CFAP70: variants seen among roughly 807,000 people sequenced by gnomAD.
CFAP70 encodes the protein cilia and flagella associated protein 70, also known as cilia- and flagella-associated protein 70.
In CFAP70, 81 loss-of-function variants were observed where a neutral mutation model predicts 137.6. The ratio of observed to expected loss-of-function variants is 0.59; its 90% CI spans 0.49 to 0.71. CFAP70 has a LOEUF of 0.71. Ranked by LOEUF, CFAP70 falls within the 30% of genes least tolerant of loss-of-function variation. The pLI is 0.00. For missense variants in CFAP70, 976 were observed against 1,226.7 expected, an observed-to-expected ratio of 0.80 and a Z score of 3.05; for synonymous variants, 382 against 423.6, an observed-to-expected ratio of 0.90 and a Z score of 1.20.
At chr10:73,353,603 G>A (rs1564894330) in exon 3 of CFAP70, 3 of 1,614,180 alleles carry the variant, frequency 1.9e-6, no homozygotes, top group Non-Finnish European at 2.5e-6. Flanking sequence ...TCCTCCTTCA[G>A]GATTAAACTC....
chr10:73,318,585 C>T (rs1254585221), intron 9 of CFAP70, among the ~76,000 whole-genome samples: 1 of 152,148 alleles, frequency 6.6e-6, no homozygotes, highest in Non-Finnish European at 1.5e-5. Context: ...TAAAACAATT[C>T]TAGGAAACAA....
intron 9 of CFAP70, among the ~76,000 whole-genome samples, chr10:73,316,255 T>C (rs1167149059): frequency 1.3e-5 from 2 of 151,866 alleles, no homozygotes; most frequent in Non-Finnish European, 2.9e-5. Context: ...TGAATCTTGA[T>C]TTTTTTGTAA....
At chr10:73,284,287 C>CTT (rs145312982) in intron 19 of CFAP70, among the ~76,000 whole-genome samples, 1 of 151,382 alleles carries the variant, frequency 6.6e-6, no homozygotes, top group South Asian at 2.1e-4. Context: ...ATCACATTGT[C>CTT]TTTTTTTTTG....
chr10:73,312,017 G>A (rs925799164), intron 10 of CFAP70, 103 bp from the exon 12 acceptor site: 6 of 867,996 alleles, frequency 6.9e-6, no homozygotes, highest in Non-Finnish European at 9.4e-6. Flanking sequence ...ACTAACTGCA[G>A]CCATAAAAAA....
chr10:73,284,735 G>C (rs1352664995), intron 19 of CFAP70, among the ~76,000 whole-genome samples: 2 of 61,758 alleles, frequency 3.2e-5, no homozygotes, highest in African/African-American at 1.4e-4. Flanking sequence ...TATATGACCT[G>C]CCACATATAT....
intron 12 of CFAP70, among the ~76,000 whole-genome samples, chr10:73,306,145 C>A (rs1452065353): frequency 6.6e-6 from 1 of 151,702 alleles, no homozygotes; most frequent in East Asian, 1.9e-4. Flanking sequence ...GTCTGAGGAA[C>A]AGAAAGAAAA....
chr10:73,352,075 G>T (rs1589606250), intron 3 of CFAP70, among the ~76,000 whole-genome samples: 1 of 152,346 alleles, frequency 6.6e-6, no homozygotes, highest in East Asian at 1.9e-4. Flanking sequence ...GGGTGATGGT[G>T]AAAGTTCTGA....
intron 8 of CFAP70, among the ~76,000 whole-genome samples, chr10:73,325,375 C>T (rs1397084810): frequency 5.3e-5 from 8 of 152,162 alleles, no homozygotes; most frequent in Non-Finnish European, 1.0e-4. Context: ...CCAGCCGCTG[C>T]AAAATCATGC....
At chr10:73,331,079 T>C (rs1264594399) in intron 8 of CFAP70, 98 bp downstream of exon 9, 1 of 802,214 alleles carries the variant, frequency 1.2e-6, no homozygotes, top group Non-Finnish European at 2.0e-6. Flanking sequence ...AGAACAGCTA[T>C]GTTCACATTT....
At chr10:73,362,133 A>C (rs112238450), upstream of CFAP70, among the ~76,000 whole-genome samples, 4 of 152,218 alleles carry the variant, frequency 2.6e-5, no homozygotes, top group African/African-American at 9.6e-5. Context: ...TGCCAAGATG[A>C]TCTACTGGGA....
At chr10:73,345,798 A>C (rs2053646574) in intron 4 of CFAP70, among the ~76,000 whole-genome samples, 1 of 151,888 alleles carries the variant, frequency 6.6e-6, no homozygotes. Flanking sequence ...ACTCCATCTC[A>C]AAAAAAACAA....
rs753061529 is a variant in CFAP70 at position 73,321,689 on chromosome 10, GA to G, written c.912+1273del. On this transcript the variant is annotated intron_variant, in intron 9 of 26. Transcript: ENST00000310715. ...TTTAACATTTTTACACCTAAAAATG[GA>G]AAAAAAAAATTATAGTTCATATTCT... Among the ~76,000 whole-genome samples the G allele has an allele frequency of 7.7e-3, 1,127 of 147,076 alleles. 8 individuals are homozygous for G. Among genetic ancestry groups the G allele is most frequent in the Non-Finnish European group, 0.01 (690 of 66,444 alleles).
intron 19 of CFAP70, among the ~76,000 whole-genome samples, chr10:73,285,346 A>G (rs2047609454): frequency 6.6e-6 from 1 of 152,210 alleles, no homozygotes; most frequent in African/African-American, 2.4e-5. Context: ...TTTAAAATGT[A>G]TAAACCTACA....
chr10:73,349,382 A>G (rs2054002431), intron 3 of CFAP70, among the ~76,000 whole-genome samples: 1 of 151,938 alleles, frequency 6.6e-6, no homozygotes, highest in African/African-American at 2.4e-5. Flanking sequence ...TACTAAAAAT[A>G]CAACAACAAA....
chr10:73,319,779 G>A (rs554319434), intron 9 of CFAP70, among the ~76,000 whole-genome samples: 37 of 152,156 alleles, frequency 2.4e-4, no homozygotes, highest in African/African-American at 8.9e-4. Flanking sequence ...CCACCAATGG[G>A]CATTATCATA....
intron 19 of CFAP70, among the ~76,000 whole-genome samples, chr10:73,286,555 C>A (rs1243324873): frequency 6.6e-6 from 1 of 152,064 alleles, no homozygotes; most frequent in Non-Finnish European, 1.5e-5. Flanking sequence ...CACAAGGATA[C>A]CTGACAATAT....
chr10:73,291,016 T>C (rs1291436044), intron 19 of CFAP70, among the ~76,000 whole-genome samples: 2 of 152,168 alleles, frequency 1.3e-5, no homozygotes, highest in African/African-American at 4.8e-5. Context: ...CTTTTCTTTT[T>C]ATTTTTTAAA....
chr10:73,307,298 G>C (rs573694225), intron 12 of CFAP70, among the ~76,000 whole-genome samples: 6 of 151,484 alleles, frequency 4.0e-5, no homozygotes, highest in Admixed American at 1.3e-4. Context: ...AGGAACTGAA[G>C]AACAAAAAAA....
chr10:73,334,768 C>T (rs895140129), intron 7 of CFAP70, among the ~76,000 whole-genome samples: 35 of 151,528 alleles, frequency 2.3e-4, no homozygotes, highest in Admixed American at 2.1e-3. Context: ...TTAGTAGAGA[C>T]GGGGTTTCAC....
Sources: gnomAD v4.1 joint callset for allele counts (sites outside exome capture counted in the v4.1 genomes callset) on GRCh38, gnomAD v4.1.1 for gene constraint, MANE v1.5 for transcripts, NCBI Gene and HGNC (gene_info 2026-07-23, HGNC 2026-07-21) for gene names.